SSUH2: variants seen among roughly 807,000 people sequenced by gnomAD.
SSUH2 encodes the protein protein SSUH2 homolog.
SSUH2 carries 47 observed loss-of-function variants against 55.3 expected under a neutral mutation model. That is an observed-to-expected ratio of 0.85 (90% confidence interval 0.67 to 1.08). The LOEUF (loss-of-function observed/expected upper bound fraction) is 1.08, where lower values mean the gene tolerates loss of function less well. Among genes scored for constraint, SSUH2 ranks in the 50% least tolerant of loss-of-function variants. SSUH2 has a pLI of 0.00. For missense variants in SSUH2, 535 were observed against 490.7 expected (o/e 1.09, Z -0.85); for synonymous variants, 212 against 191.5 (o/e 1.11, Z -0.89).
intron 5 of SSUH2, among the ~76,000 whole-genome samples, chr3:8,665,282 A>G (rs1390183741): frequency 1.3e-5 from 2 of 152,196 alleles, no homozygotes; most frequent in Non-Finnish European, 2.9e-5. Flanking sequence ...GTAGAAGGGG[A>G]AGAGAGAAGA....
chr3:8,644,832 T>G (rs915612106), upstream of SSUH2: 2 of 1,311,370 alleles, frequency 1.5e-6, no homozygotes, highest in African/African-American at 1.5e-5. Flanking sequence ...TGGACCACCC[T>G]CAGGCCCCTC....
intron 10 of SSUH2, among the ~76,000 whole-genome samples, chr3:8,623,994 G>A (rs1470901048): frequency 6.6e-6 from 1 of 152,188 alleles, no homozygotes; most frequent in African/African-American, 2.4e-5. Context: ...AAGGAACTCA[G>A]ATTCATTTCT....
At chr3:8,657,922 C>T (rs1048688232) in intron 7 of SSUH2, among the ~76,000 whole-genome samples, 2 of 152,286 alleles carry the variant, frequency 1.3e-5, no homozygotes, top group Non-Finnish European at 2.9e-5. Context: ...GCCTCCACGC[C>T]TGCATAGCCC....
chr3:8,664,032 A>G (rs540100747), intron 5 of SSUH2: 5 of 338,520 alleles, frequency 1.5e-5, no homozygotes, highest in African/African-American at 8.7e-5. Flanking sequence ...CTCCCGGCCC[A>G]TGTCAACACG....
chr3:8,652,687 C>T (rs748518213), intron 7 of SSUH2, among the ~76,000 whole-genome samples: 1 of 152,180 alleles, frequency 6.6e-6, no homozygotes, highest in Non-Finnish European at 1.5e-5. Flanking sequence ...CCTGATATAC[C>T]TATATCGAGT....
chr3:8,633,960 G>A, intron 3 of SSUH2, 165 bp from the exon 4 acceptor site: 2 of 1,612,646 alleles, frequency 1.2e-6, no homozygotes, highest in Non-Finnish European at 1.7e-6. Context: ...GGGACCATGT[G>A]AACGGGTGCC....
intron 6 of SSUH2, among the ~76,000 whole-genome samples, chr3:8,661,312 C>G (rs1295138327): frequency 6.6e-6 from 1 of 152,250 alleles, no homozygotes; most frequent in Non-Finnish European, 1.5e-5. Context: ...TGCCCAACAA[C>G]TGTCTTTTCC....
At chr3:8,635,154 C>T (rs1699702166) in intron 3 of SSUH2, 146 bp downstream of exon 3, 1 of 633,112 alleles carries the variant, frequency 1.6e-6, no homozygotes, top group Non-Finnish European at 2.7e-6. Context: ...ATCCCTAAGC[C>T]CCATCCCTGG....
At chr3:8,622,540 G>A (rs747720215) in intron 11 of SSUH2, among the ~76,000 whole-genome samples, 5 of 152,206 alleles carry the variant, frequency 3.3e-5, no homozygotes, top group Non-Finnish European at 7.3e-5. Flanking sequence ...ACAGAAAGCT[G>A]AGTGTCGACA....
At chr3:8,662,772 C>T (rs1014808080) in intron 6 of SSUH2, among the ~76,000 whole-genome samples, 1 of 152,196 alleles carries the variant, frequency 6.6e-6, no homozygotes, top group African/African-American at 2.4e-5. Context: ...TCATTTCCTA[C>T]CTTATTGACT....
chr3:8,626,116 G>A, intron 9 of SSUH2, 113 bp downstream of exon 9: 1 of 799,036 alleles, frequency 1.3e-6, no homozygotes, highest in Non-Finnish European at 2.2e-6. Context: ...AGTCCTGGCA[G>A]GTTCTTGCAC....
rs548594722 is a variant in SSUH2, at chr3:8,659,493, T to C, written c.-395-480A>G. 12 of 216,820 alleles carry C rather than the reference T, an allele frequency of 5.5e-5. No individual in the cohort carries two copies. The Admixed American group carries it at 5.9e-4, about 11-fold the overall frequency. The allele number at this position is 216,820 out of a possible 1,614,324, so 13.4% of individuals were successfully genotyped here. On this transcript the variant is annotated intron_variant, in intron 6 of 18. Transcript: ENST00000317371. ...AGTGAGCTCCCTTCTTTCTGACCTC[T>C]GGTCATGCACACTGTCTGTGAACAT...
At chr3:8,631,742 G>C (rs1257424293) in intron 5 of SSUH2, among the ~76,000 whole-genome samples, 1 of 152,038 alleles carries the variant, frequency 6.6e-6, no homozygotes, top group African/African-American at 2.4e-5. Flanking sequence ...GGGTGTAGGT[G>C]AATGCTTAGA....
intron 4 of SSUH2, among the ~76,000 whole-genome samples, chr3:8,632,675 G>A (rs969872839): frequency 2.6e-5 from 4 of 152,318 alleles, no homozygotes; most frequent in African/African-American, 4.8e-5. Flanking sequence ...AAGTGATTAT[G>A]TGCTCCTCAG....
chr3:8,623,397 CT>C, intron 11 of SSUH2, 151 bp downstream of exon 11: 1 of 596,630 alleles, frequency 1.7e-6, no homozygotes, highest in Non-Finnish European at 3.0e-6. Flanking sequence ...GCCCTGGGGC[CT>C]TAGGTCAGGC....
intron 4 of SSUH2, among the ~76,000 whole-genome samples, chr3:8,632,737 CTGCTCTGTCAATACAGGAGACAGAAG>C (rs1471080776): frequency 6.6e-6 from 1 of 152,242 alleles, no homozygotes; most frequent in Non-Finnish European, 1.5e-5. Flanking sequence ...AGCTGCTCCT[CTGCTCTGTCAATACAGGAGACAGAAG>C]TGCCTGTCAG....
intron 2 of SSUH2, among the ~76,000 whole-genome samples, chr3:8,678,276 G>C (rs567370372): frequency 6.6e-6 from 1 of 152,038 alleles, no homozygotes; most frequent in Non-Finnish European, 1.5e-5. Flanking sequence ...TCAACCTCTC[G>C]GCCTTTGAAT....
At chr3:8,633,408 C>G (rs751470345) in intron 4 of SSUH2, among the ~76,000 whole-genome samples, 6 of 151,892 alleles carry the variant, frequency 4.0e-5, no homozygotes, top group Non-Finnish European at 8.8e-5. Flanking sequence ...GATCCACCCA[C>G]CTCGGCCTCC....
chr3:8,623,376 C>T (rs1696840663), intron 11 of SSUH2, 173 bp downstream of exon 11: 1 of 564,126 alleles, frequency 1.8e-6, no homozygotes, highest in Non-Finnish European at 3.2e-6. Context: ...GTCTTACTTG[C>T]CCTGCTCCAT....
Sources: allele counts gnomAD v4.1 joint callset (sites outside exome capture counted in the v4.1 genomes callset), GRCh38; gene constraint gnomAD v4.1.1; transcripts MANE v1.5; gene names NCBI Gene and HGNC (gene_info 2026-07-23, HGNC 2026-07-21).